Variants in SCHIP1 observed in about 807,000 individuals in gnomAD.
SCHIP1 encodes schwannomin interacting protein 1, also known as schwannomin-interacting protein 1.
Under a neutral mutation model 29.7 loss-of-function variants are expected in SCHIP1, and 8 were observed. That is an observed-to-expected ratio of 0.27 (90% CI 0.16 to 0.49). SCHIP1 has a LOEUF of 0.49. Ranked by LOEUF, SCHIP1 falls within the 20% of genes least tolerant of loss-of-function variation. SCHIP1 has a pLI of 0.99. For synonymous variants in SCHIP1, 76 were observed against 94.9 expected (o/e 0.80, Z 1.16); for missense variants, 193 against 294.6 (o/e 0.66, Z 2.52).
At chr3:159,491,671 C>T in the SCHIP1 span, among the ~76,000 whole-genome samples, 1 of 152,378 alleles carries the variant, frequency 6.6e-6, no homozygotes, top group Admixed American at 6.5e-5. Flanking sequence ...TAGGCTCCAC[C>T]TCTGGTGGCA....
chr3:159,594,636 T>C, the SCHIP1 span, among the ~76,000 whole-genome samples: 2 of 152,334 alleles, frequency 1.3e-5, no homozygotes, highest in African/African-American at 4.8e-5. Flanking sequence ...CAGAAAGCGA[T>C]GGTGCTCATC....
the SCHIP1 span, among the ~76,000 whole-genome samples, chr3:159,466,093 C>T: frequency 6.6e-6 from 1 of 152,010 alleles, no homozygotes; most frequent in Non-Finnish European, 1.5e-5. Flanking sequence ...AACTATAAAA[C>T]ATTTGAGTAT....
At chr3:159,325,474 T>G in the SCHIP1 span, among the ~76,000 whole-genome samples, 1 of 152,210 alleles carries the variant, frequency 6.6e-6, no homozygotes, top group African/African-American at 2.4e-5. Context: ...AAAATTTGTC[T>G]TACCAGTCTG....
At chr3:159,887,886 A>G in exon 4 of SCHIP1, 1 of 1,614,036 alleles carries the variant, frequency 6.2e-7, no homozygotes, top group Non-Finnish European at 8.5e-7. Context: ...AACAGGAAAA[A>G]GTCTCCCGTC....
chr3:159,728,344 A>T, the SCHIP1 span, among the ~76,000 whole-genome samples: 3 of 152,164 alleles, frequency 2.0e-5, no homozygotes, highest in South Asian at 6.2e-4. Flanking sequence ...AAAGGCAGAA[A>T]TTCTCTTGAC....
chr3:159,746,159 A>C, the SCHIP1 span, among the ~76,000 whole-genome samples: 1 of 152,266 alleles, frequency 6.6e-6, no homozygotes, highest in Non-Finnish European at 1.5e-5. Flanking sequence ...CAAAAAATAT[A>C]GAATTATAGA....
chr3:159,468,029 C>A, the SCHIP1 span, among the ~76,000 whole-genome samples: 1 of 152,054 alleles, frequency 6.6e-6, no homozygotes, highest in Non-Finnish European at 1.5e-5. Flanking sequence ...GTTCCAAGTG[C>A]GGCTTCTTGA....
chr3:159,602,121 T>C, the SCHIP1 span, among the ~76,000 whole-genome samples: 2 of 152,194 alleles, frequency 1.3e-5, no homozygotes, highest in Admixed American at 6.5e-5. Context: ...CAGCAGTCTA[T>C]GGTAGAAATA....
At chr3:159,614,260 T>C in the SCHIP1 span, among the ~76,000 whole-genome samples, 2 of 152,218 alleles carry the variant, frequency 1.3e-5, no homozygotes, top group Admixed American at 1.3e-4. Flanking sequence ...TTGAGAGCTT[T>C]AGACATACAT....
chr3:159,495,886 G>A, the SCHIP1 span, among the ~76,000 whole-genome samples: 1 of 152,170 alleles, frequency 6.6e-6, no homozygotes, highest in Non-Finnish European at 1.5e-5. Flanking sequence ...AACCAGCATG[G>A]TACAGGTACC....
chr3:159,499,633 C>A, the SCHIP1 span, among the ~76,000 whole-genome samples: 15 of 152,220 alleles, frequency 9.9e-5, no homozygotes, highest in Non-Finnish European at 1.8e-4. Flanking sequence ...TGTAGCCCCA[C>A]CTCCAGGTGA....
chr3:159,602,636 G>A, the SCHIP1 span, among the ~76,000 whole-genome samples: 160 of 151,902 alleles, frequency 1.1e-3, no homozygotes, highest in Non-Finnish European at 2.1e-3. Flanking sequence ...TTGATCCTGG[G>A]AGGCAGAGGT....
chr3:159,860,744 A>G (rs1713968327), intron 1 of SCHIP1, among the ~76,000 whole-genome samples: 1 of 152,186 alleles, frequency 6.6e-6, no homozygotes, highest in Non-Finnish European at 1.5e-5. Flanking sequence ...CCACAACTGA[A>G]TCTTGTCCAG....
the SCHIP1 span, among the ~76,000 whole-genome samples, chr3:159,471,320 T>A: frequency 6.6e-6 from 1 of 152,092 alleles, no homozygotes; most frequent in African/African-American, 2.4e-5. Flanking sequence ...TCATTCTACA[T>A]GATAATTGAA....
the SCHIP1 span, among the ~76,000 whole-genome samples, chr3:159,296,012 C>T: frequency 6.6e-6 from 1 of 152,030 alleles, no homozygotes; most frequent in Non-Finnish European, 1.5e-5. Flanking sequence ...TCATTTTTTG[C>T]ACTAGGATGC....
the SCHIP1 span, among the ~76,000 whole-genome samples, chr3:159,706,924 G>A: frequency 6.6e-6 from 1 of 152,190 alleles, no homozygotes; most frequent in Non-Finnish European, 1.5e-5. Flanking sequence ...CATTTATTCA[G>A]CACTCGTTAT....
At chr3:159,320,972 T>G in the SCHIP1 span, among the ~76,000 whole-genome samples, 1 of 152,134 alleles carries the variant, frequency 6.6e-6, no homozygotes, top group African/African-American at 2.4e-5. Flanking sequence ...TTTATTTATT[T>G]TACTTTTTTT....
At chr3:159,441,502 GGGA>G in the SCHIP1 span, among the ~76,000 whole-genome samples, 5 of 152,040 alleles carry the variant, frequency 3.3e-5, no homozygotes, top group African/African-American at 1.2e-4. Flanking sequence ...GTGGGGAAGG[GGGA>G]GGAGGAGAAG....
chr3:159,427,561 A>C, the SCHIP1 span, among the ~76,000 whole-genome samples: 1 of 152,196 alleles, frequency 6.6e-6, no homozygotes, highest in African/African-American at 2.4e-5. Context: ...AAACAAATGG[A>C]AGAACATTCC....
Sources: allele counts gnomAD v4.1 joint callset (sites outside exome capture counted in the v4.1 genomes callset), GRCh38; gene constraint gnomAD v4.1.1; transcripts MANE v1.5; gene names NCBI Gene and HGNC (gene_info 2026-07-23, HGNC 2026-07-21).